Variants in NAV3 observed in about 807,000 individuals in gnomAD.
The protein encoded by NAV3 is pore membrane and/or filament interacting like protein 1.
NAV3 carries 87 observed loss-of-function variants against 244.7 expected under a neutral mutation model. The ratio of observed to expected loss-of-function variants is 0.36; its 90% confidence interval spans 0.30 to 0.42. NAV3 has a LOEUF of 0.42. Among genes scored for constraint, NAV3 ranks in the 20% least tolerant of loss-of-function variants. The probability of loss-of-function intolerance (pLI) is 1.00; values close to 1 mark genes in which losing one functional copy is unlikely to be tolerated. For synonymous variants in NAV3, 1,126 were observed against 1,042.2 expected (o/e 1.08, Z -1.55); for missense variants, 2,663 against 2,893.3 (o/e 0.92, Z 1.83).
intron 1 of NAV3, among the ~76,000 whole-genome samples, chr12:77,883,092 A>G (rs1272663621): frequency 6.6e-6 from 1 of 152,118 alleles, no homozygotes; most frequent in East Asian, 1.9e-4. Flanking sequence ...CTGGTTATAC[A>G]CTCAAAGGAA....
intron 2 of NAV3, among the ~76,000 whole-genome samples, chr12:77,655,158 G>A (rs189273918): frequency 0.025 from 3,781 of 152,130 alleles, 61 homozygotes; most frequent in Middle Eastern, 0.082. Context: ...AAACTACTCC[G>A]AGCTACAGGA....
chr12:78,160,300 C>A (rs73147969), intron 23 of NAV3, among the ~76,000 whole-genome samples: 2,669 of 152,042 alleles, frequency 0.018, 31 homozygotes, highest in Middle Eastern at 0.027. Flanking sequence ...AGTTAGCTTA[C>A]TTCTCTGCTG....
chr12:78,178,470 G>T (rs754117093), intron 28 of NAV3, among the ~76,000 whole-genome samples: 22 of 151,934 alleles, frequency 1.4e-4, no homozygotes, highest in Admixed American at 4.6e-4. Flanking sequence ...CCAAAATACT[G>T]TAATATTTTT....
chr12:77,911,047 C>T (rs1365902206), intron 1 of NAV3, among the ~76,000 whole-genome samples: 4 of 152,066 alleles, frequency 2.6e-5, no homozygotes, highest in Non-Finnish European at 5.9e-5. Context: ...CAGGATGGTA[C>T]TCTACCTGGG....
chr12:77,641,531 G>A (rs1001318842), intron 2 of NAV3, among the ~76,000 whole-genome samples: 1 of 152,088 alleles, frequency 6.6e-6, no homozygotes, highest in Non-Finnish European at 1.5e-5. Context: ...AAAGGAATTT[G>A]TATGCTAGAA....
chr12:78,059,438 A>T (rs1883998061), intron 12 of NAV3, among the ~76,000 whole-genome samples: 1 of 151,832 alleles, frequency 6.6e-6, no homozygotes, highest in Non-Finnish European at 1.5e-5. Context: ...CCAGGCACGC[A>T]CCACCATGCC....
intron 20 of NAV3, chr12:78,143,421 A>T: frequency 2.3e-6 from 1 of 436,520 alleles, no homozygotes; most frequent in Non-Finnish European, 4.6e-6. Flanking sequence ...ACTTGAGGTC[A>T]GGAGTTCGAG....
intron 5 of NAV3, among the ~76,000 whole-genome samples, chr12:77,975,210 A>G (rs1252950078): frequency 6.6e-6 from 1 of 152,112 alleles, no homozygotes; most frequent in Non-Finnish European, 1.5e-5. Context: ...CTATTCATCA[A>G]TTTGACCATT....
At chr12:77,827,355 G>T (rs1873118853), upstream of NAV3, among the ~76,000 whole-genome samples, 1 of 150,842 alleles carries the variant, frequency 6.6e-6, no homozygotes. Flanking sequence ...GTTGACAGTT[G>T]AATATTTTTT....
chr12:77,895,313 G>GTGTGTGTGTGTGTA (rs957406211), intron 1 of NAV3, among the ~76,000 whole-genome samples: 15 of 147,802 alleles, frequency 1.0e-4, no homozygotes, highest in African/African-American at 3.8e-4. Flanking sequence ...GAATGATTGT[G>GTGTGTGTGTGTGTA]TGTGTGTGTG....
At chr12:77,924,154 T>C (rs11107411) in intron 1 of NAV3, among the ~76,000 whole-genome samples, 1 of 151,904 alleles carries the variant, frequency 6.6e-6, no homozygotes, top group African/African-American at 2.4e-5. Context: ...TGCTTTGTTA[T>C]GTACAGTCAC....
chr12:78,102,700 T>C (rs1954596761), intron 12 of NAV3, among the ~76,000 whole-genome samples: 1 of 152,224 alleles, frequency 6.6e-6, no homozygotes, highest in Non-Finnish European at 1.5e-5. Flanking sequence ...ATCTGAAATC[T>C]AGGTGGAGGT....
intron 8 of NAV3, among the ~76,000 whole-genome samples, chr12:78,013,229 A>G (rs191641187): frequency 2.0e-4 from 31 of 152,280 alleles, no homozygotes; most frequent in African/African-American, 6.3e-4. Flanking sequence ...AAAAAATCAT[A>G]CGTCCTATGT....
chr12:78,206,528 T>C (rs1214295039), intron 39 of NAV3, among the ~76,000 whole-genome samples: 1 of 152,116 alleles, frequency 6.6e-6, no homozygotes, highest in East Asian at 1.9e-4. Flanking sequence ...GTCTGTAGAG[T>C]ATGAAACCCT....
In NAV3 at chr12:77,759,867, A is replaced by G. The variant is rs578117401; in HGVS notation, c.73-180452A>G. On this transcript the variant is annotated intron_variant, in intron 2 of 8. Transcript: ENST00000550042. ...CCTGCCCCTTATTGCTGTTTTCTGG[A>G]TTCTGAAGATCTGTATCATAACTTT... Among the ~76,000 whole-genome samples, 114 of 152,230 alleles carry G rather than the reference A, an allele frequency of 7.5e-4. 2 individuals carry two copies. The South Asian group carries it at 0.023, about 30-fold the overall frequency.
intron 5 of NAV3, among the ~76,000 whole-genome samples, chr12:77,979,224 CAAAAAA>C (rs11297628): frequency 7.9e-6 from 1 of 126,050 alleles, no homozygotes; most frequent in Non-Finnish European, 1.7e-5. Context: ...AAATACAATA[CAAAAAA>C]AAAAAAAAAA....
intron 1 of NAV3, among the ~76,000 whole-genome samples, chr12:77,887,755 A>G (rs1298015736): frequency 2.0e-5 from 3 of 152,146 alleles, no homozygotes; most frequent in Admixed American, 2.0e-4. Flanking sequence ...AATTAATTTA[A>G]AAGTAAGTAG....
chr12:78,051,156 C>A lies in NAV3; in HGVS notation c.2516+9C>A, dbSNP rs2137265417. 2 of 1,592,454 alleles carry A rather than the reference C, an allele frequency of 1.3e-6. No homozygotes were observed. Among genetic ancestry groups the A allele is most frequent in the Non-Finnish European group, 1.7e-6 (2 of 1,164,242 alleles). ...GATGACATCAACAGTGGGTAAGTAA[C>A]CCTGTTCTCCGTCAGCATTGTGTGA... On this transcript the variant is annotated intron_variant, in intron 11 of 39. Coordinates refer to ENST00000397909, the MANE Select transcript of NAV3 (RefSeq NM_001024383.2).
intron 2 of NAV3, among the ~76,000 whole-genome samples, chr12:77,708,467 A>C (rs1443167250): frequency 6.6e-6 from 1 of 152,166 alleles, no homozygotes; most frequent in East Asian, 1.9e-4. Flanking sequence ...GTAGCCTTGT[A>C]GTATAGTTTG....
Sources: allele counts gnomAD v4.1 joint callset (sites outside exome capture counted in the v4.1 genomes callset), GRCh38; gene constraint gnomAD v4.1.1; transcripts MANE v1.5; gene names NCBI Gene and HGNC (gene_info 2026-07-23, HGNC 2026-07-21).